The following LRIG3 variants were observed in gnomAD, a reference collection of about 807,000 sequenced individuals.
The protein encoded by LRIG3 is leucine rich repeats and immunoglobulin like domains 3, also known as leucine-rich repeats and immunoglobulin-like domains protein 3.
In LRIG3, 76 loss-of-function variants were observed where a neutral mutation model predicts 114.5. The ratio of observed to expected loss-of-function variants is 0.66; its 90% CI spans 0.55 to 0.80. The LOEUF is 0.80. Among genes scored for constraint, LRIG3 ranks in the 30% least tolerant of loss-of-function variants. The pLI is 0.00. For synonymous variants in LRIG3, 512 were observed against 519.8 expected (o/e 0.98, Z 0.20); for missense variants, 1,239 against 1,382.8 (o/e 0.90, Z 1.65).
chr12:58,873,722 C>T (rs976383417), intron 18 of LRIG3: 1 of 357,756 alleles, frequency 2.8e-6, no homozygotes, highest in Non-Finnish European at 5.2e-6. Context: ...AACTCCACCC[C>T]AAAGGCCGTG....
intron 3 of LRIG3, among the ~76,000 whole-genome samples, chr12:58,905,827 C>A (rs1344543528): frequency 6.6e-6 from 1 of 152,132 alleles, no homozygotes; most frequent in Non-Finnish European, 1.5e-5. Flanking sequence ...AAAGGTTCCC[C>A]AAATGAGGCC....
At chr12:58,897,695 T>C (rs1018127434) in intron 3 of LRIG3, among the ~76,000 whole-genome samples, 5 of 152,164 alleles carry the variant, frequency 3.3e-5, no homozygotes, top group African/African-American at 9.7e-5. Flanking sequence ...TAGTCCTTCA[T>C]GTAAATGGAA....
intron 10 of LRIG3, 83 bp downstream of exon 10, chr12:58,885,748 C>T (rs1871255487): frequency 4.6e-6 from 4 of 867,170 alleles, no homozygotes; most frequent in African/African-American, 1.8e-5. Context: ...AATTACATTC[C>T]AGTTTGTTTT....
chr12:58,872,552 T>G lies in LRIG3; in HGVS notation c.*20A>C, dbSNP rs1870771490. 2 of 1,569,878 alleles carry G rather than the reference T, an allele frequency of 1.3e-6. No homozygotes were observed. The highest frequency in any genetic ancestry group is 2.7e-5 in the African/African-American group (2 of 73,200). On this transcript the variant is annotated 3_prime_UTR_variant, in exon 19 of 19. Transcript: ENST00000320743. ...TCACTTGAGGTAGTATGTTAAGCTT[T>G]TCCTTTGGTCTCATTCAGTCTATGT...
rs148534977 is a variant in LRIG3 at position 58,913,083 on chromosome 12, T to C, written c.383+899A>G. 3.4e-3 allele frequency among the ~76,000 whole-genome samples: 513 copies of C among 152,262 alleles called. 1 individual carries two copies. The highest frequency in any genetic ancestry group is 0.012 in the African/African-American group (485 of 41,542). On this transcript the variant is annotated intron_variant, in intron 3 of 18. Transcript: ENST00000320743. ...TCTATAAATCACCAGATGTAAGCAATTGGGTAGTGATCACTCTATTAATTG... is the reference window on the plus strand; with the variant it reads ...TCTATAAATCACCAGATGTAAGCAACTGGGTAGTGATCACTCTATTAATTG...
chr12:58,914,012 G>T lies in LRIG3; in HGVS notation c.353C>A (p.Pro118Gln). ...NELETIPNLGPVSANITLLSL... is the reference protein window; with the variant it reads ...NELETIPNLGQVSANITLLSL... ...GAGAAGTGTAATATTTGCCGAGACT[G>T]GTCCCAGATTTGGAATGGTCTCCAA... Residue 118 changes from proline to glutamine, a missense_variant, in exon 3 of 19, where the codon CCA becomes CAA. By Grantham distance (76) the Pro-to-Gln change is moderately conservative. Transcript: ENST00000320743. The T allele has an allele frequency of 1.2e-6, 2 of 1,612,182 alleles. No individual in the cohort carries two copies. The highest frequency in any genetic ancestry group is 8.5e-7 in the Non-Finnish European group (1 of 1,179,628).
intron 3 of LRIG3, among the ~76,000 whole-genome samples, chr12:58,894,954 T>C (rs189603537): frequency 1.3e-5 from 2 of 152,240 alleles, no homozygotes; most frequent in East Asian, 3.9e-4. Flanking sequence ...CCTGGGGACT[T>C]GGGTTGGTCA....
chr12:58,884,851 A>G (rs1391313988), intron 10 of LRIG3, among the ~76,000 whole-genome samples: 1 of 152,254 alleles, frequency 6.6e-6, no homozygotes, highest in East Asian at 1.9e-4. Flanking sequence ...ACTTCTGGAT[A>G]CAAGCATTCC....
chr12:58,893,234 G>C (rs1332675689), intron 3 of LRIG3, among the ~76,000 whole-genome samples: 1 of 152,226 alleles, frequency 6.6e-6, no homozygotes, highest in Admixed American at 6.5e-5. Flanking sequence ...AATTAAGAAA[G>C]CTTCTCGAAA....
chr12:58,899,974 A>G (rs1871785553), intron 3 of LRIG3, among the ~76,000 whole-genome samples: 1 of 152,184 alleles, frequency 6.6e-6, no homozygotes. Context: ...TGTTGCCTTC[A>G]GTATTCATAT....
intron 3 of LRIG3, among the ~76,000 whole-genome samples, chr12:58,893,413 G>T (rs373162255): frequency 1.3e-5 from 2 of 152,118 alleles, no homozygotes; most frequent in African/African-American, 4.8e-5. Flanking sequence ...AAAAAGAGAC[G>T]ATTCAGCAGT....
At chr12:58,899,501 G>C (rs1871765328) in intron 3 of LRIG3, among the ~76,000 whole-genome samples, 1 of 151,642 alleles carries the variant, frequency 6.6e-6, no homozygotes, top group African/African-American at 2.4e-5. Flanking sequence ...TGTTTTTAAA[G>C]TGTCTGGTAC....
intron 3 of LRIG3, among the ~76,000 whole-genome samples, chr12:58,893,511 C>A (rs1871525055): frequency 6.6e-6 from 1 of 152,150 alleles, no homozygotes; most frequent in South Asian, 2.1e-4. Flanking sequence ...TCAGCCATGA[C>A]CTCTGATTTT....
At chr12:58,889,780 ATCTAACG>A (rs1325580521) in intron 5 of LRIG3, among the ~76,000 whole-genome samples, 3 of 152,002 alleles carry the variant, frequency 2.0e-5, no homozygotes, top group Non-Finnish European at 4.4e-5. Flanking sequence ...TTCAGTAACA[ATCTAACG>A]TGTCTTGTCA....
At chr12:58,897,084 C>G (rs1157714974) in intron 3 of LRIG3, among the ~76,000 whole-genome samples, 1 of 152,172 alleles carries the variant, frequency 6.6e-6, no homozygotes, top group Non-Finnish European at 1.5e-5. Flanking sequence ...AAGAACTCCT[C>G]TCATATAGAT....
intron 9 of LRIG3, 50 bp from the exon 10 acceptor site, chr12:58,885,952 G>T: frequency 1.6e-6 from 2 of 1,263,050 alleles, no homozygotes; most frequent in Non-Finnish European, 1.1e-6. Flanking sequence ...GCCATTTTGG[G>T]GTGGAACTCT....
At chr12:58,897,309 A>G (rs1451518059) in intron 3 of LRIG3, among the ~76,000 whole-genome samples, 1 of 152,248 alleles carries the variant, frequency 6.6e-6, no homozygotes, top group Non-Finnish European at 1.5e-5. Context: ...CTTTCAGCAA[A>G]AAGTCAGGTC....
intron 3 of LRIG3, among the ~76,000 whole-genome samples, chr12:58,905,243 A>C (rs1425167875): frequency 6.6e-6 from 1 of 152,232 alleles, no homozygotes; most frequent in African/African-American, 2.4e-5. Context: ...TGTCAAATAC[A>C]GTCATTCTAA....
rs939578386 is a variant in LRIG3, at chr12:58,891,454, G to A, written c.384-658C>T. Among the ~76,000 whole-genome samples the A allele has an allele frequency of 3.3e-5, 5 of 152,160 alleles. No homozygotes were observed. The South Asian group carries it at 6.2e-4, about 19-fold the overall frequency. On this transcript the variant is annotated intron_variant, in intron 3 of 18. Transcript: ENST00000320743. ...CCCTTCTCCTTATTAAATGGTATAC[G>A]AAATGCCTAACACCAAGGTGGCATA...
Sources: allele counts gnomAD v4.1 joint callset (sites outside exome capture counted in the v4.1 genomes callset), GRCh38; gene constraint gnomAD v4.1.1; transcripts MANE v1.5; gene names NCBI Gene and HGNC (gene_info 2026-07-23, HGNC 2026-07-21).